The following ACOT11 variants were observed in gnomAD, a reference collection of about 807,000 sequenced individuals.
The protein encoded by ACOT11 is acyl-coenzyme A thioesterase 11.
In ACOT11, 69 loss-of-function variants were observed where a neutral mutation model predicts 77.5. The ratio of observed to expected loss-of-function variants is 0.89; its 90% confidence interval spans 0.73 to 1.09. ACOT11 has a LOEUF of 1.09. ACOT11 is among the 50% of genes least tolerant of loss of function. ACOT11 has a pLI of 0.00. For missense variants in ACOT11, 766 were observed against 813.7 expected (o/e 0.94, Z 0.71); for synonymous variants, 279 against 313.0 (o/e 0.89, Z 1.15).
intron 15 of ACOT11, among the ~76,000 whole-genome samples, chr1:54,630,305 A>C (rs914618282): frequency 2.6e-5 from 4 of 152,020 alleles, no homozygotes; most frequent in African/African-American, 7.2e-5. Context: ...CAAGCCCCCC[A>C]CAGTCTGGCC....
chr1:54,630,432 C>T (rs1244154696), intron 15 of ACOT11, among the ~76,000 whole-genome samples: 1 of 152,230 alleles, frequency 6.6e-6, no homozygotes, highest in African/African-American at 2.4e-5. Flanking sequence ...CGGCAAGGAA[C>T]ACCTGGCCCG....
At chr1:54,556,127 G>A (rs403594) in intron 1 of ACOT11, among the ~76,000 whole-genome samples, 59,097 of 151,952 alleles carry the variant, frequency 0.39, 12,470 homozygotes, top group African/African-American at 0.56. Flanking sequence ...AACATCAATT[G>A]TTGAATAGAC....
rs751314036 is a variant in ACOT11, at chr1:54,548,265, C to T, written c.-45C>T. The T allele has an allele frequency of 1.8e-5, 28 of 1,576,614 alleles. No individual in the cohort carries two copies. The highest frequency in any genetic ancestry group is 2.4e-5 in the Non-Finnish European group (28 of 1,161,346). On this transcript the variant is annotated 5_prime_UTR_variant, in exon 1 of 16. Coordinates refer to ENST00000343744, the MANE Select transcript of ACOT11 (RefSeq NM_147161.4). ...GCCTGGCTGTTGCTCAGGTGACCAGCTTGTGTCTCTGGGAGGGCGCTGCTT... is the reference window on the plus strand; with the variant it reads ...GCCTGGCTGTTGCTCAGGTGACCAGTTTGTGTCTCTGGGAGGGCGCTGCTT...
At chr1:54,585,439 A>T (rs1654463691) in intron 2 of ACOT11, among the ~76,000 whole-genome samples, 2 of 152,296 alleles carry the variant, frequency 1.3e-5, no homozygotes, top group South Asian at 4.1e-4. Context: ...GGCAGGGAAC[A>T]GGTGGTTGAA....
intron 1 of ACOT11, among the ~76,000 whole-genome samples, chr1:54,559,626 G>GC (rs1365506979): frequency 6.6e-6 from 1 of 151,482 alleles, no homozygotes; most frequent in African/African-American, 2.4e-5. Flanking sequence ...GTGAACCTCA[G>GC]TTTTCTCAGT....
intron 15 of ACOT11, among the ~76,000 whole-genome samples, chr1:54,624,171 A>G (rs985641408): frequency 6.6e-6 from 1 of 152,156 alleles, no homozygotes; most frequent in African/African-American, 2.4e-5. Flanking sequence ...GGACCCCAGA[A>G]TTTAAACGAG....
rs1172793 is a variant in ACOT11 at position 54,584,293 on chromosome 1, C to A, written c.34-362C>A. 1.2e-5 allele frequency among the ~76,000 whole-genome samples: 1 copy of A among 85,728 alleles called. No homozygotes were observed. The highest frequency in any genetic ancestry group is 1.1e-4 in the Admixed American group (1 of 9,444). The allele number at this position is 85,728 out of a possible 152,430, so 56.2% of individuals were successfully genotyped here. A position where few individuals can be genotyped will look rare whatever the true frequency, so the allele number is the denominator to read the frequency against. ...CTCTAGGCCTCCCTGCATAGAGAGG[C>A]GACTCTTTCCAGAATGAACGTAAAT... On this transcript the variant is annotated intron_variant, in intron 1 of 15. Coordinates refer to ENST00000343744, the MANE Select transcript of ACOT11 (RefSeq NM_147161.4). The surrounding 1 kb of genome is among the most constrained non-coding windows in gnomAD (Gnocchi z 6.3).
At chr1:54,562,412 C>A (rs1203461620) in intron 1 of ACOT11, among the ~76,000 whole-genome samples, 2 of 81,550 alleles carry the variant, frequency 2.5e-5, no homozygotes. Flanking sequence ...CGCCCCTCAC[C>A]TCCCGGACGG....
intron 1 of ACOT11, among the ~76,000 whole-genome samples, chr1:54,565,812 T>C (rs1309241669): frequency 3.3e-5 from 5 of 152,146 alleles, no homozygotes; most frequent in Non-Finnish European, 7.4e-5. Context: ...AGCTTTAGTA[T>C]CTCCCAGACT....
intron 15 of ACOT11, chr1:54,623,651 T>A: frequency 2.5e-6 from 1 of 394,584 alleles, no homozygotes. Context: ...ATATCTAAAA[T>A]GACCTTTGAG....
chr1:54,607,792 A>C lies in ACOT11; in HGVS notation c.1503-150A>C, dbSNP rs918434236. ...CCTCCAGCCTGGCCCTGAGCCCCGC[A>C]TTGGGGCTTTAAGAGTCGATGTGCC... is the stretch of plus-strand genomic sequence containing the variant. On this transcript the variant is annotated intron_variant, in intron 14 of 15. Transcript: ENST00000343744. This position sits in a 1 kb window ranked among gnomAD's most constrained non-coding sequence, Gnocchi z 4.5. 3 of 1,053,524 alleles carry C rather than the reference A, an allele frequency of 2.8e-6. No individual in the cohort carries two copies. The highest frequency in any genetic ancestry group is 3.0e-4 in the Middle Eastern group (1 of 3,334). 65.3% of individuals were successfully genotyped at this position (1,053,524 alleles called of 1,614,324 possible).
At position 54,609,315 on chromosome 1, in the gene ACOT11, G is replaced by T. The variant is rs1177278532; in HGVS notation, c.*203G>T. On this transcript the variant is annotated 3_prime_UTR_variant, in exon 16 of 16. Transcript: ENST00000343744. The stretch of plus-strand genomic sequence containing the variant: ...AGCAAGTCCTTGTGGTAGCCCTGGG[G>T]TAGCCTGTAGTAGACTCGGGTCCTG... 1.2e-6 allele frequency: 2 copies of T among 1,612,456 alleles called. No individual in the cohort carries two copies. The highest frequency in any genetic ancestry group is 1.7e-6 in the Non-Finnish European group (2 of 1,178,910).
chr1:54,560,808 G>T (rs556324719), intron 1 of ACOT11, among the ~76,000 whole-genome samples: 1 of 151,954 alleles, frequency 6.6e-6, no homozygotes, highest in South Asian at 2.1e-4. Flanking sequence ...TGCAACCTCC[G>T]CCTCCTGGGT....
chr1:54,592,645 G>T, intron 4 of ACOT11, 39 bp downstream of exon 4: 1 of 1,605,214 alleles, frequency 6.2e-7, no homozygotes. Flanking sequence ...GGGTGCGTGG[G>T]TGGGTCCTCT....
chr1:54,623,729 G>C (rs1350903776), intron 15 of ACOT11, among the ~76,000 whole-genome samples: 1 of 152,206 alleles, frequency 6.6e-6, no homozygotes, highest in African/African-American at 2.4e-5. Flanking sequence ...CTGCTTGGGA[G>C]TCAGGAGACC....
intron 3 of ACOT11, among the ~76,000 whole-genome samples, chr1:54,589,917 TC>T (rs1654646077): frequency 6.6e-6 from 1 of 151,856 alleles, no homozygotes; most frequent in African/African-American, 2.4e-5. Flanking sequence ...TGAAACCCCG[TC>T]TCTACTAAAA....
intron 7 of ACOT11, 56 bp from the exon 8 acceptor site, chr1:54,599,240 C>CTAGTGGCT (rs1643934891): frequency 8.8e-7 from 1 of 1,130,250 alleles, no homozygotes; most frequent in Non-Finnish European, 1.1e-6. Flanking sequence ...CTGGCCCAAA[C>CTAGTGGCT]TAGTGGCTGA....
At chr1:54,620,877 A>AAAAT (rs1644223342) in intron 15 of ACOT11, among the ~76,000 whole-genome samples, 1 of 135,006 alleles carries the variant, frequency 7.4e-6, no homozygotes, top group African/African-American at 2.8e-5. Context: ...AAAAAAAAAA[A>AAAAT]GGCTGGGTTT....
chr1:54,582,560 C>T (rs1654349080), intron 1 of ACOT11: 1 of 981,288 alleles, frequency 1.0e-6, no homozygotes, highest in East Asian at 1.1e-4. Flanking sequence ...ATTCACAGAA[C>T]AGGAAACGGG....
Sources: allele counts gnomAD v4.1 joint callset (sites outside exome capture counted in the v4.1 genomes callset), GRCh38; gene constraint gnomAD v4.1.1; non-coding constraint Gnocchi (gnomAD v3.1); transcripts MANE v1.5; gene names NCBI Gene and HGNC (gene_info 2026-07-23, HGNC 2026-07-21).